CRB1: variants seen among roughly 807,000 people sequenced by gnomAD.
CRB1 encodes the protein protein crumbs homolog 1.
In CRB1, 83 loss-of-function variants were observed where a neutral mutation model predicts 120.0. The ratio of observed to expected loss-of-function variants is 0.69; its 90% confidence interval spans 0.58 to 0.83. CRB1 has a LOEUF of 0.83. CRB1 is among the 40% of genes least tolerant of loss of function. The pLI, the probability that CRB1 is intolerant of heterozygous loss-of-function variation, is 0.00. For synonymous variants in CRB1, 625 were observed against 612.5 expected (o/e 1.02, Z -0.30); for missense variants, 1,699 against 1,687.6 (o/e 1.01, Z -0.12).
chr1:197,312,647 A>G (rs1657603776), intron 1 of CRB1, among the ~76,000 whole-genome samples: 1 of 152,210 alleles, frequency 6.6e-6, no homozygotes, highest in East Asian at 1.9e-4. Flanking sequence ...AAAATATAAT[A>G]TGGCTACAAA....
chr1:197,282,947 T>C (rs1328997399), intron 1 of CRB1, among the ~76,000 whole-genome samples: 1 of 151,790 alleles, frequency 6.6e-6, no homozygotes, highest in Non-Finnish European at 1.5e-5. Flanking sequence ...TGATTCTGCA[T>C]CACAAAAGCC....
intron 5 of CRB1, among the ~76,000 whole-genome samples, chr1:197,363,579 G>T (rs2125367289): frequency 6.6e-6 from 1 of 152,254 alleles, no homozygotes; most frequent in South Asian, 2.1e-4. Context: ...ATTGTAAAGT[G>T]GTGCTGGGTG....
intron 10 of CRB1, 105 bp from the exon 11 acceptor site, chr1:197,442,061 T>G: frequency 7.6e-7 from 1 of 1,315,170 alleles, no homozygotes; most frequent in Non-Finnish European, 1.1e-6. Context: ...GATGGGTAGA[T>G]AAGACTGTGC....
At chr1:197,434,435 TTTG>T in intron 8 of CRB1, among the ~76,000 whole-genome samples, 1 of 152,188 alleles carries the variant, frequency 6.6e-6, no homozygotes, top group South Asian at 2.1e-4. Context: ...ATATTCTGGC[TTTG>T]TTATTTATTA....
At chr1:197,277,042 G>A (rs1655247207) in intron 1 of CRB1, among the ~76,000 whole-genome samples, 3 of 151,912 alleles carry the variant, frequency 2.0e-5, no homozygotes, top group South Asian at 2.1e-4. Context: ...ATCAGCCACG[G>A]TGGAAGTAAT....
chr1:197,392,954 A>G (rs781760289), intron 5 of CRB1, among the ~76,000 whole-genome samples: 5 of 152,100 alleles, frequency 3.3e-5, no homozygotes, highest in Non-Finnish European at 7.4e-5. Flanking sequence ...TGATGAAGTA[A>G]TATCCAGGGA....
rs62635652 is a variant in CRB1 at position 197,344,378 on chromosome 1, T to A, written c.750T>A (p.Cys250Ter). 6.2e-7 allele frequency: 1 copy of A among 1,614,114 alleles called. No homozygotes were observed. Among genetic ancestry groups the A allele is most frequent in the Admixed American group, 1.7e-5 (1 of 60,012 alleles). Reference sequence around the variant, plus strand: ...CTCTGGGGGCCTATTTCTGCGACTGTGCCCCTGGATTCCTGGGGGATCACT... The same window carrying A: ...CTCTGGGGGCCTATTTCTGCGACTGAGCCCCTGGATTCCTGGGGGATCACT... ...QDALGAYFCD[C>*]APGFLGDHCE... The change falls in exon 3 of 12, where the codon TGT becomes TGA. Residue 250 changes from cysteine to a stop codon, truncating the protein, a stop_gained. Transcript: ENST00000367400. LOFTEE classifies it high-confidence loss of function.
At chr1:197,334,799 G>A (rs1364265117) in intron 2 of CRB1, among the ~76,000 whole-genome samples, 2 of 152,124 alleles carry the variant, frequency 1.3e-5, no homozygotes, top group Non-Finnish European at 2.9e-5. Context: ...TATATATTGA[G>A]TACCTCAATG....
chr1:197,433,027 T>C (rs1204259698), intron 8 of CRB1, among the ~76,000 whole-genome samples: 1 of 145,142 alleles, frequency 6.9e-6, no homozygotes, highest in Non-Finnish European at 1.5e-5. Flanking sequence ...ATGTAGATGC[T>C]TTTTTTTTTA....
intron 5 of CRB1, among the ~76,000 whole-genome samples, chr1:197,415,641 C>A (rs564133448): frequency 1.1e-5 from 1 of 94,006 alleles, no homozygotes; most frequent in Non-Finnish European, 1.9e-5. Context: ...TTTTTCTTTT[C>A]TTTTTTTTTT....
At chr1:197,209,674 C>T in the CRB1 span, among the ~76,000 whole-genome samples, 1 of 152,166 alleles carries the variant, frequency 6.6e-6, no homozygotes, top group South Asian at 2.1e-4. Flanking sequence ...CCCAGTTCCC[C>T]TGGCAGCCCT....
intron 5 of CRB1, among the ~76,000 whole-genome samples, chr1:197,412,586 T>C (rs1395268256): frequency 6.6e-6 from 1 of 152,202 alleles, no homozygotes; most frequent in Non-Finnish European, 1.5e-5. Flanking sequence ...GAACCCTGAA[T>C]ATGTTCCCTC....
At chr1:197,238,588 G>A in the CRB1 span, among the ~76,000 whole-genome samples, 3 of 152,114 alleles carry the variant, frequency 2.0e-5, no homozygotes, top group East Asian at 5.8e-4. Context: ...GCTCATGCCT[G>A]TTACCCCAGC....
chr1:197,379,579 C>T (rs1007669883), intron 5 of CRB1, among the ~76,000 whole-genome samples: 3 of 123,390 alleles, frequency 2.4e-5, no homozygotes, highest in African/African-American at 3.2e-5. Flanking sequence ...GGATTACAGG[C>T]GTGAGCCACC....
chr1:197,268,245 G>T, upstream of CRB1: 2 of 641,238 alleles, frequency 3.1e-6, no homozygotes, highest in East Asian at 2.8e-5. Context: ...ACTGCATTTT[G>T]AATCTAAGTC....
upstream of CRB1, among the ~76,000 whole-genome samples, chr1:197,267,277 A>G (rs1654671799): frequency 6.6e-6 from 1 of 152,200 alleles, no homozygotes. Flanking sequence ...AAAAATAATA[A>G]TTGTCATGAA....
At chr1:197,389,787 A>G (rs900294163) in intron 5 of CRB1, among the ~76,000 whole-genome samples, 1 of 152,102 alleles carries the variant, frequency 6.6e-6, no homozygotes, top group Non-Finnish European at 1.5e-5. Flanking sequence ...TCTAGGTGGC[A>G]TGTCTTCAAT....
At chr1:197,231,459 G>A in the CRB1 span, among the ~76,000 whole-genome samples, 1 of 152,084 alleles carries the variant, frequency 6.6e-6, no homozygotes, top group African/African-American at 2.4e-5. Context: ...AATCAAAGAG[G>A]GATGTATGCT....
At chr1:197,356,681 C>G in intron 4 of CRB1, 150 bp from the exon 5 acceptor site, 1 of 762,108 alleles carries the variant, frequency 1.3e-6, no homozygotes, top group Non-Finnish European at 2.3e-6. Flanking sequence ...ACTAAGCCTC[C>G]TCTTACCAGA....
Sources: gnomAD v4.1 joint callset for allele counts (sites outside exome capture counted in the v4.1 genomes callset) on GRCh38, gnomAD v4.1.1 for gene constraint, MANE v1.5 for transcripts, NCBI Gene and HGNC (gene_info 2026-07-23, HGNC 2026-07-21) for gene names.